Variants in CD8B observed in about 807,000 individuals in gnomAD.
The protein encoded by CD8B is T-cell surface glycoprotein CD8 beta chain.
In CD8B, 6 loss-of-function variants were observed where a neutral mutation model predicts 24.2. The ratio of observed to expected loss-of-function variants is 0.25; its 90% CI spans 0.14 to 0.49. The LOEUF (loss-of-function observed/expected upper bound fraction) is 0.49. Among genes scored for constraint, CD8B ranks in the 20% least tolerant of loss-of-function variants. CD8B has a pLI of 0.98. For synonymous variants in CD8B, 84 were observed against 108.3 expected (o/e 0.78, Z 1.39); for missense variants, 196 against 271.3 (o/e 0.72, Z 1.95).
At chr2:86,816,463 A>G (rs1475983712) in intron 5 of CD8B, among the ~76,000 whole-genome samples, 1 of 152,224 alleles carries the variant, frequency 6.6e-6, no homozygotes, top group African/African-American at 2.4e-5. Flanking sequence ...GGCCAAAAAT[A>G]GCTGAATAAT....
chr2:86,837,072 G>A (rs1003895712), downstream of CD8B, among the ~76,000 whole-genome samples: 27 of 152,334 alleles, frequency 1.8e-4, no homozygotes, highest in African/African-American at 5.8e-4. Flanking sequence ...TGCAAGGATC[G>A]CTTGAGCCTG....
chr2:86,858,216 C>T lies in CD8B; in HGVS notation c.244G>A (p.Gly82Ser), dbSNP rs775751696. Reference protein sequence around the residue: ...LWDSAKGTIHGEEVEQEKIAV... With the variant: ...LWDSAKGTIHSEEVEQEKIAV... ...ATCTTCTCCTGTTCCACCTCTTCAC[C>T]GTGGATAGTCCCTTTTGCGGAATCC... The change falls in exon 2 of 6, where the codon GGT becomes AGT. Residue 82 changes from glycine (G) to serine (S), a missense_variant. Coordinates refer to ENST00000390655, the MANE Select transcript of CD8B (RefSeq NM_004931.5). The T allele has an allele frequency of 5.8e-5, 93 of 1,613,928 alleles. No individual in the cohort carries two copies. In the South Asian group the frequency reaches 8.1e-4, roughly 14 times the overall value.
intron 2 of CD8B, among the ~76,000 whole-genome samples, chr2:86,857,682 T>C (rs962211246): frequency 1.3e-5 from 2 of 152,086 alleles, no homozygotes; most frequent in Non-Finnish European, 2.9e-5. Context: ...ATCGCACCAC[T>C]GCACCCCAGC....
At position 86,839,617 on chromosome 2, in the gene CD8B, G is replaced by A. The variant is rs1297852740; in HGVS notation, c.*2690C>T. On this transcript the variant is annotated 3_prime_UTR_variant, in exon 6 of 6. Coordinates refer to ENST00000390655, the MANE Select transcript of CD8B (RefSeq NM_004931.5). ...TCCCTGGGCAGCCGGAGCTGAGCCC[G>A]CCTCGGCAGGTGCCTGCTGCACAGA... Among the ~76,000 whole-genome samples, 4 of 152,228 alleles carry A rather than the reference G, an allele frequency of 2.6e-5. No homozygotes were observed. Among genetic ancestry groups the A allele is most frequent in the Non-Finnish European group, 5.9e-5 (4 of 68,044 alleles).
At chr2:86,852,004 T>C (rs897034478) in intron 3 of CD8B, among the ~76,000 whole-genome samples, 4 of 152,248 alleles carry the variant, frequency 2.6e-5, no homozygotes, top group African/African-American at 9.6e-5. Context: ...GGTCTGGCTC[T>C]ATCACCCAGG....
rs542245900 is a variant in CD8B at position 86,840,067 on chromosome 2, T to G, written c.*2240A>C. ...GTCTAGGGTCTGGGGGCAGGGAATCTAAGGCCAATTCGTGCTGAATCAAGG... is the reference window on the plus strand; with the variant it reads ...GTCTAGGGTCTGGGGGCAGGGAATCGAAGGCCAATTCGTGCTGAATCAAGG... On this transcript the variant is annotated 3_prime_UTR_variant, in exon 6 of 6. Coordinates refer to ENST00000390655, the MANE Select transcript of CD8B (RefSeq NM_004931.5). Among the ~76,000 whole-genome samples, 18 of 152,328 alleles carry G rather than the reference T, an allele frequency of 1.2e-4. No homozygotes were observed. The South Asian group carries it at 2.9e-3, about 25-fold the overall frequency.
At chr2:86,826,069 G>A (rs1674676318) in intron 5 of CD8B, among the ~76,000 whole-genome samples, 1 of 152,080 alleles carries the variant, frequency 6.6e-6, no homozygotes, top group South Asian at 2.1e-4. Flanking sequence ...TTTGCAGGCG[G>A]TTTTTTAGAA....
chr2:86,820,714 A>G (rs1674431039), intron 5 of CD8B, among the ~76,000 whole-genome samples: 2 of 152,158 alleles, frequency 1.3e-5, no homozygotes, highest in African/African-American at 4.8e-5. Flanking sequence ...CCTATACTGG[A>G]ATTTCCAAGG....
intron 3 of CD8B, among the ~76,000 whole-genome samples, chr2:86,848,043 C>A (rs1038874338): frequency 6.6e-6 from 1 of 151,942 alleles, no homozygotes; most frequent in Admixed American, 6.6e-5. Context: ...ATCAGTGGGC[C>A]TTTTGATTGT....
intron 5 of CD8B, among the ~76,000 whole-genome samples, chr2:86,826,081 G>A (rs940196242): frequency 3.9e-5 from 6 of 152,076 alleles, no homozygotes; most frequent in South Asian, 2.1e-4. Context: ...TTTTTAGAAC[G>A]TATCATTTGT....
chr2:86,850,594 C>T (rs1224663164), intron 3 of CD8B, among the ~76,000 whole-genome samples: 1 of 152,128 alleles, frequency 6.6e-6, no homozygotes, highest in Non-Finnish European at 1.5e-5. Flanking sequence ...GACAGAGATT[C>T]AGACCTAGGC....
intron 5 of CD8B, among the ~76,000 whole-genome samples, chr2:86,820,955 G>T (rs1379217030): frequency 6.6e-6 from 1 of 152,100 alleles, no homozygotes; most frequent in Non-Finnish European, 1.5e-5. Flanking sequence ...GTTCAGAGAG[G>T]TTAATTCACT....
intron 2 of CD8B, 34 bp downstream of exon 2, chr2:86,858,023 G>T (rs376976072): frequency 6.2e-7 from 1 of 1,601,628 alleles, no homozygotes; most frequent in East Asian, 2.2e-5. Flanking sequence ...GCACACAATC[G>T]GTGCTCACTG....
chr2:86,850,059 G>A (rs747128573), intron 3 of CD8B, among the ~76,000 whole-genome samples: 1 of 152,112 alleles, frequency 6.6e-6, no homozygotes, highest in Non-Finnish European at 1.5e-5. Flanking sequence ...GGGATGTACA[G>A]GGCGGCACGG....
At position 86,824,771 on chromosome 2, in the gene CD8B, A is replaced by G. The variant is rs146049201; in HGVS notation, c.621-9053T>C. On this transcript the variant is annotated intron_variant, in intron 5 of 5. Transcript: ENST00000331469. ...AGGCCTTGTCTCGACCTTGCTTACT[A>G]TAAACACAGTGCTACATCCTGCTTT... Among the ~76,000 whole-genome samples, 3 of 152,294 alleles carry G rather than the reference A, an allele frequency of 2.0e-5. No individual in the cohort carries two copies. In the East Asian group the frequency reaches 5.8e-4, roughly 29 times the overall value.
chr2:86,846,976 C>A (rs1675720677), intron 3 of CD8B, among the ~76,000 whole-genome samples: 1 of 116,006 alleles, frequency 8.6e-6, no homozygotes, highest in Non-Finnish European at 1.6e-5. Flanking sequence ...CTTGCTCTGT[C>A]ACCCAGGCCG....
chr2:86,820,333 A>G (rs2104492446), intron 5 of CD8B, among the ~76,000 whole-genome samples: 1 of 152,366 alleles, frequency 6.6e-6, no homozygotes, highest in Admixed American at 6.5e-5. Context: ...GGAAGAGTCA[A>G]TCAATGTGGC....
intron 5 of CD8B, chr2:86,833,110 C>G: frequency 3.2e-6 from 1 of 308,072 alleles, no homozygotes; most frequent in Non-Finnish European, 6.5e-6. Context: ...TCCTGTGTTA[C>G]AAAAAAGGAT....
chr2:86,825,695 T>G (rs1674651993), intron 5 of CD8B, among the ~76,000 whole-genome samples: 1 of 152,206 alleles, frequency 6.6e-6, no homozygotes. Context: ...AGAAACTGCA[T>G]GCAGCGGCAA....
Sources: allele counts gnomAD v4.1 joint callset (sites outside exome capture counted in the v4.1 genomes callset), GRCh38; gene constraint gnomAD v4.1.1; transcripts MANE v1.5; gene names NCBI Gene and HGNC (gene_info 2026-07-23, HGNC 2026-07-21).